Variants in DOCK4 observed in about 807,000 individuals in gnomAD.
DOCK4 encodes the protein dedicator of cytokinesis protein 4.
A neutral mutation model predicts 268.1 loss-of-function variants in DOCK4; 97 were observed. That is an observed-to-expected ratio of 0.36 (90% CI 0.31 to 0.43). The LOEUF is 0.43. DOCK4 is among the 20% of genes least tolerant of loss of function. DOCK4 has a pLI of 1.00. For missense variants in DOCK4, 2,145 were observed against 2,455.7 expected (o/e 0.87, Z 2.67); for synonymous variants, 954 against 887.2 (o/e 1.08, Z -1.34).
At chr7:112,111,165 T>C (rs540962704) in intron 1 of DOCK4, among the ~76,000 whole-genome samples, 5 of 152,278 alleles carry the variant, frequency 3.3e-5, no homozygotes, top group South Asian at 2.1e-4. Flanking sequence ...ACAAGCTCAA[T>C]AGCTAGTGCC....
Position 111,886,464 on chromosome 7 carries a change from A to G in DOCK4, c.1587+9148T>C, listed in dbSNP as rs117169447. Reference sequence around the variant, plus strand: ...ACACTTATCTGTTAATACCGATTACAACACTGGGATAAAGACCACTAGAAA... The same window carrying G: ...ACACTTATCTGTTAATACCGATTACGACACTGGGATAAAGACCACTAGAAA... On this transcript the variant is annotated intron_variant, in intron 16 of 52. Coordinates refer to ENST00000428084, the MANE Select transcript of DOCK4 (RefSeq NM_001363540.2). 5.4e-3 allele frequency among the ~76,000 whole-genome samples: 816 copies of G among 152,322 alleles called. 3 individuals carry two copies. Among genetic ancestry groups the G allele is most frequent in the Non-Finnish European group, 7.4e-3 (500 of 68,008 alleles).
At chr7:112,204,417 G>C (rs533597297) in intron 1 of DOCK4, among the ~76,000 whole-genome samples, 14 of 152,148 alleles carry the variant, frequency 9.2e-5, no homozygotes, top group Admixed American at 2.0e-4. Flanking sequence ...CGATGCCCTC[G>C]GGTCCCTCAC....
intron 25 of DOCK4, among the ~76,000 whole-genome samples, chr7:111,843,554 C>CA (rs1165433992): frequency 6.6e-6 from 1 of 151,848 alleles, no homozygotes; most frequent in Non-Finnish European, 1.5e-5. Flanking sequence ...CTCTCCACTC[C>CA]AAAAAAACGG....
intron 23 of DOCK4, among the ~76,000 whole-genome samples, chr7:111,858,253 T>G (rs1047385684): frequency 3.9e-5 from 6 of 152,204 alleles, no homozygotes; most frequent in Non-Finnish European, 7.3e-5. Flanking sequence ...TACTCTAAGC[T>G]CAACCATGAC....
At chr7:111,958,613 T>G (rs1796620432) in intron 8 of DOCK4, among the ~76,000 whole-genome samples, 1 of 152,188 alleles carries the variant, frequency 6.6e-6, no homozygotes, top group Admixed American at 6.5e-5. Context: ...GCTTGAATAA[T>G]CACAGCTTAG....
At chr7:111,833,419 C>T (rs922164061) in intron 26 of DOCK4, among the ~76,000 whole-genome samples, 3 of 151,992 alleles carry the variant, frequency 2.0e-5, no homozygotes, top group Non-Finnish European at 4.4e-5. Context: ...TAGCATGTGC[C>T]TGTAGTCACA....
chr7:112,179,831 G>A (rs1023095826), intron 1 of DOCK4, among the ~76,000 whole-genome samples: 6 of 152,058 alleles, frequency 3.9e-5, no homozygotes, highest in African/African-American at 9.7e-5. Flanking sequence ...ACACCTCAAA[G>A]GTATGATGAA....
chr7:112,116,188 C>T (rs1410089236), intron 1 of DOCK4, among the ~76,000 whole-genome samples: 1 of 152,110 alleles, frequency 6.6e-6, no homozygotes, highest in Non-Finnish European at 1.5e-5. Context: ...CCCCAGCCCC[C>T]AGCAACCACT....
At chr7:111,929,333 T>C (rs1283235120) in intron 12 of DOCK4, among the ~76,000 whole-genome samples, 3 of 152,112 alleles carry the variant, frequency 2.0e-5, no homozygotes, top group African/African-American at 7.2e-5. Context: ...TGTTAACCTT[T>C]GGGAAATTAC....
At chr7:112,088,822 A>G (rs1809354748) in intron 1 of DOCK4, among the ~76,000 whole-genome samples, 1 of 152,082 alleles carries the variant, frequency 6.6e-6, no homozygotes, top group Admixed American at 6.6e-5. Flanking sequence ...TTTGTCCCTC[A>G]GTTTCCTCAT....
chr7:111,855,305 G>C (rs181370765), intron 23 of DOCK4, among the ~76,000 whole-genome samples: 1 of 152,162 alleles, frequency 6.6e-6, no homozygotes, highest in African/African-American at 2.4e-5. Flanking sequence ...CAGAGCAAGT[G>C]CAGCTGGACT....
chr7:112,136,239 T>C (rs377655980), intron 1 of DOCK4, among the ~76,000 whole-genome samples: 6 of 152,064 alleles, frequency 3.9e-5, no homozygotes, highest in Admixed American at 1.3e-4. Flanking sequence ...AAAAGAAACA[T>C]AGAAACTATG....
Position 111,739,158 on chromosome 7 carries a change from A to C in DOCK4, c.5208T>G (p.Tyr1736Ter), listed in dbSNP as rs767165415. 1 of 1,613,894 alleles carries C rather than the reference A, an allele frequency of 6.2e-7. No individual in the cohort carries two copies. Among genetic ancestry groups the C allele is most frequent in the Non-Finnish European group, 8.5e-7 (1 of 1,179,818 alleles). The change falls in exon 49 of 53, where the codon TAT (tyrosine) becomes TAG (stop). Residue 1736 changes from tyrosine (Y) to a stop codon, truncating the protein, a stop_gained. Coordinates refer to ENST00000428084, the MANE Select transcript of DOCK4 (RefSeq NM_001363540.2). LOFTEE classifies it high-confidence loss of function. ...SPRERPCSAIYPTPVEPSQRM... is the reference protein window; with the variant it reads ...SPRERPCSAI The stretch of plus-strand genomic sequence containing the variant: ...CCTGCGAAGGCTCCACAGGTGTTGG[A>C]TAGATGGCACTGCATGGTCTCTCTC...
At chr7:111,865,547 T>C (rs1163347861) in intron 22 of DOCK4, among the ~76,000 whole-genome samples, 1 of 152,262 alleles carries the variant, frequency 6.6e-6, no homozygotes, top group East Asian at 1.9e-4. Context: ...GCTGTAAATG[T>C]GGCAGGCAGG....
intron 1 of DOCK4, among the ~76,000 whole-genome samples, chr7:112,165,372 A>T (rs978675752): frequency 6.6e-6 from 1 of 151,830 alleles, no homozygotes; most frequent in African/African-American, 2.4e-5. Flanking sequence ...CTCTACGTCC[A>T]TGTGATCAGA....
intron 36 of DOCK4, among the ~76,000 whole-genome samples, chr7:111,777,667 T>C (rs113424252): frequency 2.0e-5 from 3 of 152,262 alleles, no homozygotes; most frequent in African/African-American, 7.2e-5. Context: ...TCTTCAATTG[T>C]AGCTGCCACA....
At chr7:112,203,642 G>A (rs1821138585) in intron 1 of DOCK4, among the ~76,000 whole-genome samples, 1 of 152,026 alleles carries the variant, frequency 6.6e-6, no homozygotes, top group Non-Finnish European at 1.5e-5. Flanking sequence ...CACTACACTT[G>A]GTAACAAAGA....
chr7:111,932,754 G>A (rs896984650), intron 12 of DOCK4, among the ~76,000 whole-genome samples: 3 of 152,004 alleles, frequency 2.0e-5, no homozygotes, highest in Non-Finnish European at 4.4e-5. Flanking sequence ...AATACGGTAT[G>A]TTCTTTACAA....
At chr7:111,950,187 A>C (rs1268406881) in intron 8 of DOCK4, among the ~76,000 whole-genome samples, 2 of 152,198 alleles carry the variant, frequency 1.3e-5, no homozygotes, top group Non-Finnish European at 2.9e-5. Context: ...TCACCCTCCC[A>C]AAATGCTGGG....
Sources: allele counts gnomAD v4.1 joint callset (sites outside exome capture counted in the v4.1 genomes callset), GRCh38; gene constraint gnomAD v4.1.1; transcripts MANE v1.5; gene names NCBI Gene and HGNC (gene_info 2026-07-23, HGNC 2026-07-21).